ERBB4: variants seen among roughly 807,000 people sequenced by gnomAD.
The protein encoded by ERBB4 is receptor tyrosine-protein kinase erbB-4.
A neutral mutation model predicts 158.0 loss-of-function variants in ERBB4; 42 were observed. The observed-to-expected ratio is 0.27, with a 90% CI of 0.21 to 0.34. The LOEUF (loss-of-function observed/expected upper bound fraction) is 0.34. ERBB4 is among the 10% of genes least tolerant of loss of function. ERBB4 has a pLI of 1.00. For missense variants in ERBB4, 1,333 were observed against 1,624.1 expected (o/e 0.82, Z 3.08); for synonymous variants, 583 against 558.7 (o/e 1.04, Z -0.61).
chr2:211,641,368 A>G (rs2070581101), intron 16 of ERBB4, among the ~76,000 whole-genome samples: 1 of 151,976 alleles, frequency 6.6e-6, no homozygotes, highest in African/African-American at 2.4e-5. Context: ...TTTTGTTCTT[A>G]TCTTTTTACT....
At chr2:212,266,614 A>T (rs548461788) in intron 1 of ERBB4, among the ~76,000 whole-genome samples, 4 of 152,116 alleles carry the variant, frequency 2.6e-5, no homozygotes, top group Admixed American at 1.3e-4. Context: ...CATCCTACAG[A>T]TGAATGAAGT....
intron 14 of ERBB4, among the ~76,000 whole-genome samples, chr2:211,669,216 C>CAAAAAAAAAAAAAAAAAAAAAAAAAAAAA (rs71054124): frequency 5.3e-5 from 3 of 56,100 alleles, no homozygotes; most frequent in Non-Finnish European, 1.0e-4. Flanking sequence ...GAGTGAGTCT[C>CAAAAAAAAAAAAAAAAAAAAAAAAAAAAA]AAAAAAAAAA....
intron 20 of ERBB4, among the ~76,000 whole-genome samples, chr2:211,476,027 AAGAC>A (rs1231056796): frequency 6.6e-6 from 1 of 152,132 alleles, no homozygotes; most frequent in Non-Finnish European, 1.5e-5. Context: ...TCACCATAAA[AAGAC>A]AGAAAGTCTA....
intron 1 of ERBB4, among the ~76,000 whole-genome samples, chr2:212,309,371 C>T (rs2086935792): frequency 6.6e-6 from 1 of 150,786 alleles, no homozygotes; most frequent in African/African-American, 2.4e-5. Flanking sequence ...TCATTGAATA[C>T]TTATTATAAA....
intron 1 of ERBB4, among the ~76,000 whole-genome samples, chr2:212,287,029 C>G (rs1003213933): frequency 5.3e-5 from 8 of 151,560 alleles, no homozygotes; most frequent in African/African-American, 1.9e-4. Context: ...GACAAGTAAC[C>G]ATAAACAACG....
At chr2:211,598,218 A>G (rs572161938) in intron 19 of ERBB4, among the ~76,000 whole-genome samples, 92 of 152,232 alleles carry the variant, frequency 6.0e-4, no homozygotes, top group African/African-American at 2.1e-3. Flanking sequence ...GCCTGCTTAC[A>G]CAGAAATTCT....
intron 1 of ERBB4, among the ~76,000 whole-genome samples, chr2:212,386,729 T>C (rs1000068188): frequency 6.6e-6 from 1 of 151,990 alleles, no homozygotes; most frequent in African/African-American, 2.4e-5. Flanking sequence ...TTCCTCTACC[T>C]GGAATAAGCT....
At chr2:212,135,679 C>T (rs2080250229) in intron 1 of ERBB4, among the ~76,000 whole-genome samples, 1 of 152,136 alleles carries the variant, frequency 6.6e-6, no homozygotes, top group African/African-American at 2.4e-5. Context: ...GTAATATTCC[C>T]TTTACCACAT....
rs759418312 is a variant in ERBB4, at chr2:212,505,119, CAG to C, written c.82+33328_82+33329del. ...TTTGTTTGGTTGGTTGTTTTTGAGACAGACTCTTGCTCTGTTGCCCAGGCTGG... is the reference window on the plus strand; with the variant it reads ...TTTGTTTGGTTGGTTGTTTTTGAGACACTCTTGCTCTGTTGCCCAGGCTGG... On this transcript the variant is annotated intron_variant, in intron 1 of 27. Transcript: ENST00000342788. Among the ~76,000 whole-genome samples, 8 of 152,244 alleles carry C rather than the reference CAG, an allele frequency of 5.3e-5. No homozygotes were observed. The South Asian group carries it at 1.2e-3, about 24-fold the overall frequency.
At chr2:211,508,030 C>T (rs2065794008) in intron 20 of ERBB4, among the ~76,000 whole-genome samples, 1 of 151,936 alleles carries the variant, frequency 6.6e-6, no homozygotes. Flanking sequence ...TCATAAAAAC[C>T]CTAGAAGAAA....
At chr2:212,062,396 ATTCTTTTTT>A (rs2077802326) in intron 2 of ERBB4, among the ~76,000 whole-genome samples, 4 of 96,522 alleles carry the variant, frequency 4.1e-5, no homozygotes, top group Middle Eastern at 7.0e-3. Flanking sequence ...TCACTTGTCA[ATTCTTTTTT>A]TTTTTTTTTT....
At chr2:212,474,819 A>ATTTTTTTTTTTTTTTTTTTTTTTT in intron 1 of ERBB4, among the ~76,000 whole-genome samples, 1 of 72,194 alleles carries the variant, frequency 1.4e-5, no homozygotes, top group African/African-American at 9.5e-5. Context: ...ACACCCGGCC[A>ATTTTTTTTTTTTTTTTTTTTTTTT]TTCTTTTTTT....
intron 2 of ERBB4, among the ~76,000 whole-genome samples, chr2:212,003,256 GGAAAGAGAGAGAAA>G (rs2076180856): frequency 1.1e-5 from 1 of 92,420 alleles, no homozygotes; most frequent in African/African-American, 3.6e-5. Flanking sequence ...AAGGAAGGAA[GGAAAGAGAGAGAAA>G]GACAATACAA....
chr2:212,215,981 T>C (rs779007942), intron 1 of ERBB4, among the ~76,000 whole-genome samples: 70 of 151,436 alleles, frequency 4.6e-4, no homozygotes, highest in Non-Finnish European at 8.1e-4. Flanking sequence ...TTGGATGAAC[T>C]TAAATCAGTT....
At chr2:212,428,448 T>C (rs2091960554) in intron 1 of ERBB4, among the ~76,000 whole-genome samples, 1 of 152,120 alleles carries the variant, frequency 6.6e-6, no homozygotes, top group African/African-American at 2.4e-5. Context: ...AGAAAGATTA[T>C]ATGAGGAATC....
intron 16 of ERBB4, among the ~76,000 whole-genome samples, chr2:211,636,493 A>T (rs1392114236): frequency 6.6e-6 from 1 of 151,996 alleles, no homozygotes; most frequent in Non-Finnish European, 1.5e-5. Context: ...TTGCTTCAAG[A>T]TCATTTCTAG....
intron 4 of ERBB4, among the ~76,000 whole-genome samples, chr2:211,769,419 T>A (rs955283034): frequency 2.6e-5 from 4 of 152,178 alleles, no homozygotes; most frequent in African/African-American, 9.7e-5. Flanking sequence ...TTTCCAGGTA[T>A]TTTTTAGCAA....
intron 1 of ERBB4, among the ~76,000 whole-genome samples, chr2:212,257,169 T>A (rs1381768162): frequency 1.3e-5 from 2 of 152,182 alleles, no homozygotes; most frequent in Non-Finnish European, 2.9e-5. Flanking sequence ...GAACCAGTAT[T>A]CTAATAACTT....
At chr2:211,554,002 A>AT (rs775116099) in intron 20 of ERBB4, among the ~76,000 whole-genome samples, 2 of 152,216 alleles carry the variant, frequency 1.3e-5, no homozygotes, top group Non-Finnish European at 2.9e-5. Flanking sequence ...ACATGTTCTC[A>AT]TGAAGACAAT....
Sources: allele counts gnomAD v4.1 joint callset (sites outside exome capture counted in the v4.1 genomes callset), GRCh38; gene constraint gnomAD v4.1.1; transcripts MANE v1.5; gene names NCBI Gene and HGNC (gene_info 2026-07-23, HGNC 2026-07-21).